Variants in NR1D2 observed in about 807,000 individuals in gnomAD.
The protein encoded by NR1D2 is V-erbA-related protein 1-related.
NR1D2 carries 25 observed loss-of-function variants against 52.2 expected under a neutral mutation model. The ratio of observed to expected loss-of-function variants is 0.48; its 90% CI spans 0.35 to 0.67. NR1D2 has a LOEUF of 0.67. NR1D2 is among the 30% of genes least tolerant of loss of function. The pLI is 0.01. For synonymous variants in NR1D2, 259 were observed against 230.1 expected (o/e 1.13, Z -1.14); for missense variants, 681 against 707.2 (o/e 0.96, Z 0.42).
chr3:23,968,530 T>C (rs1706509194), intron 7 of NR1D2, among the ~76,000 whole-genome samples: 1 of 152,244 alleles, frequency 6.6e-6, no homozygotes, highest in African/African-American at 2.4e-5. Context: ...CTTTTGGGTC[T>C]TGGATTCCTT....
At position 23,965,095 on chromosome 3, in the gene NR1D2, G is replaced by T; in HGVS notation, c.1265G>T (p.Arg422Leu). 6.2e-7 allele frequency: 1 copy of T among 1,613,994 alleles called. No homozygotes were observed. The highest frequency in any genetic ancestry group is 1.3e-5 in the African/African-American group (1 of 75,016). Residue 422 changes from arginine (R) to leucine (L), a missense_variant, in exon 6 of 8, where the codon CGT becomes CTT. Physicochemically the swap from Arg to Leu is moderately radical, Grantham distance 102 (BLOSUM62 -2). This residue lies in a region of NR1D2 where 475 missense variants were observed against 454.5 expected (regional missense o/e 1.05). Coordinates refer to ENST00000312521, the MANE Select transcript of NR1D2 (RefSeq NM_005126.5). ...AAAGAAGTGGTGGAATTTGCAAAGC[G>T]TATTCCTGGGTTCAGAGATCTCTCT... ...AVKEVVEFAK[R>L]IPGFRDLSQH...
At chr3:23,951,990 G>C (rs1281587196) in intron 1 of NR1D2, among the ~76,000 whole-genome samples, 1 of 152,216 alleles carries the variant, frequency 6.6e-6, no homozygotes, top group Non-Finnish European at 1.5e-5. Flanking sequence ...CTTCCAGGGA[G>C]CACAGATGAA....
chr3:23,953,635 T>C (rs1706004804), intron 1 of NR1D2, among the ~76,000 whole-genome samples: 1 of 152,150 alleles, frequency 6.6e-6, no homozygotes, highest in South Asian at 2.1e-4. Context: ...GATAGCCACA[T>C]ATGTCTTCTG....
chr3:23,950,802 GTTAA>G (rs1382208484), intron 1 of NR1D2, among the ~76,000 whole-genome samples: 1 of 151,780 alleles, frequency 6.6e-6, no homozygotes, highest in Non-Finnish European at 1.5e-5. Context: ...TTGTTTTTTG[GTTAA>G]TTAATTACGA....
At chr3:23,971,128 G>A (rs556764468) in intron 7 of NR1D2, among the ~76,000 whole-genome samples, 1 of 151,890 alleles carries the variant, frequency 6.6e-6, no homozygotes, top group Non-Finnish European at 1.5e-5. Context: ...TATCTAGGCA[G>A]GAAAATGAAA....
At position 23,950,907 on chromosome 3, in the gene NR1D2, T is replaced by C. The variant is rs1237938668; in HGVS notation, c.17-3630T>C. Among the ~76,000 whole-genome samples the C allele has an allele frequency of 4.1e-5, 6 of 145,562 alleles. No individual in the cohort carries two copies. The East Asian group carries it at 5.9e-4, about 14-fold the overall frequency. ...TTTCTTTTCTCTTTCTTTTTCTTTTTTTTTTTTTTTTTTTGAGATGGAGTT... is the reference window on the plus strand; with the variant it reads ...TTTCTTTTCTCTTTCTTTTTCTTTTCTTTTTTTTTTTTTTGAGATGGAGTT... On this transcript the variant is annotated intron_variant, in intron 1 of 7. Transcript: ENST00000312521.
chr3:23,962,586 C>G lies in NR1D2; in HGVS notation c.1127C>G (p.Thr376Ser). The G allele has an allele frequency of 6.2e-7, 1 of 1,602,814 alleles. No individual in the cohort carries two copies. Among genetic ancestry groups the G allele is most frequent in the Non-Finnish European group, 8.5e-7 (1 of 1,171,594 alleles). Residue 376 changes from threonine (T) to serine (S), a missense_variant, in exon 5 of 8, where the codon ACT (threonine) becomes AGT (serine). This residue lies in a region of NR1D2 where 475 missense variants were observed against 454.5 expected (regional missense o/e 1.05). Transcript: ENST00000312521. ...AACAAGAATAGTTACCTGTGCAACA[C>G]TGGAGGAAGAATGCATCTGGTATAG... ...NENKNSYLCN[T>S]GGRMHLVCPM...
intron 6 of NR1D2, among the ~76,000 whole-genome samples, chr3:23,967,007 G>C (rs145313617): frequency 1.2e-3 from 189 of 152,174 alleles, no homozygotes; most frequent in African/African-American, 4.3e-3. Context: ...CTGGGCAACA[G>C]AGCAAGACCC....
chr3:23,974,951 T>G (rs1233434917), intron 7 of NR1D2, among the ~76,000 whole-genome samples: 1 of 151,914 alleles, frequency 6.6e-6, no homozygotes, highest in East Asian at 1.9e-4. Context: ...TCCAAGTAGC[T>G]GGGATTACAG....
intron 5 of NR1D2, 86 bp from the exon 6 acceptor site, chr3:23,964,890 TG>T: frequency 1.1e-6 from 1 of 875,472 alleles, no homozygotes; most frequent in Non-Finnish European, 1.8e-6. Context: ...AAATTCATGT[TG>T]GGGTTTCTGA....
intron 1 of NR1D2, among the ~76,000 whole-genome samples, chr3:23,952,879 A>G (rs1220149743): frequency 6.6e-6 from 1 of 151,816 alleles, no homozygotes; most frequent in Non-Finnish European, 1.5e-5. Flanking sequence ...TAGCCTCAAT[A>G]TATATAATTG....
intron 3 of NR1D2, among the ~76,000 whole-genome samples, chr3:23,959,359 A>C (rs1048532462): frequency 1.3e-5 from 2 of 151,980 alleles, no homozygotes; most frequent in Non-Finnish European, 2.9e-5. Context: ...GACTGCAGGC[A>C]GGGTCTGGTA....
intron 7 of NR1D2, among the ~76,000 whole-genome samples, chr3:23,973,676 A>C (rs1157393439): frequency 6.6e-6 from 1 of 152,158 alleles, no homozygotes; most frequent in African/African-American, 2.4e-5. Context: ...TTTTTCTTCC[A>C]TAATAAATTA....
intron 1 of NR1D2, among the ~76,000 whole-genome samples, chr3:23,947,358 A>G (rs1705764154): frequency 6.6e-6 from 1 of 152,182 alleles, no homozygotes; most frequent in African/African-American, 2.4e-5. Flanking sequence ...AATGTTGACC[A>G]TCCCCTTCCC....
chr3:23,948,302 A>G (rs1030379377), intron 1 of NR1D2, among the ~76,000 whole-genome samples: 3 of 152,110 alleles, frequency 2.0e-5, no homozygotes, highest in Non-Finnish European at 2.9e-5. Flanking sequence ...TCCTCGCCCC[A>G]TGAGTAACAA....
In NR1D2 at chr3:23,978,937, T is replaced by A. The variant is rs185259942; in HGVS notation, c.*1518T>A. The A allele has an allele frequency of 4.6e-5, 7 of 152,160 alleles. No individual in the cohort carries two copies. The highest frequency in any genetic ancestry group is 7.4e-5 in the Non-Finnish European group (5 of 67,922). 9.4% of individuals were successfully genotyped at this position (152,160 alleles called of 1,614,324 possible). A position where few individuals can be genotyped will look rare whatever the true frequency, so the allele number is the denominator to read the frequency against. On this transcript the variant is annotated 3_prime_UTR_variant, in exon 8 of 8. Coordinates refer to ENST00000312521, the MANE Select transcript of NR1D2 (RefSeq NM_005126.5). ...TAGGAGAAATAGCCAAAGTTGAGGA[T>A]TTTATGTATGTTTTCCTGTTTACCT...
rs1044198536 is a variant in NR1D2, at chr3:23,977,365, A to T, written c.1686A>T (p.Arg562=). The T allele has an allele frequency of 1.9e-6, 3 of 1,613,204 alleles. No homozygotes were observed. The highest frequency in any genetic ancestry group is 2.7e-5 in the African/African-American group (2 of 74,830). Residue 562 remains arginine, a synonymous_variant, in exon 8 of 8, where the codon CGA becomes CGT. Transcript: ENST00000312521. ...TGCTTCTAAAGTTGCCAGATCTTCG[A>T]TCTTTAAACAACATGCACTCTGAGG... ...TKLLLKLPDL[R]SLNNMHSEEL...
At position 23,977,506 on chromosome 3, in the gene NR1D2, A is replaced by T; in HGVS notation, c.*87A>T. 2.4e-6 allele frequency: 2 copies of T among 826,582 alleles called. No homozygotes were observed. Among genetic ancestry groups the T allele is most frequent in the South Asian group, 2.7e-5 (1 of 36,954 alleles). 51.2% of individuals were successfully genotyped at this position (826,582 alleles called of 1,614,324 possible). A position where few individuals can be genotyped will look rare whatever the true frequency, so the allele number is the denominator to read the frequency against. On this transcript the variant is annotated 3_prime_UTR_variant, in exon 8 of 8. Transcript: ENST00000312521. Reference sequence around the variant, plus strand: ...TTATATGTGTATACCATATGTGGAGATAGAAAAGACCTTTAAGACAATAAA... The same window carrying T: ...TTATATGTGTATACCATATGTGGAGTTAGAAAAGACCTTTAAGACAATAAA...
intron 7 of NR1D2, among the ~76,000 whole-genome samples, chr3:23,973,421 A>G (rs1212135547): frequency 6.6e-6 from 1 of 152,228 alleles, no homozygotes. Flanking sequence ...TTTGTAACAC[A>G]ATAAGTATTT....
Sources: allele counts gnomAD v4.1 joint callset (sites outside exome capture counted in the v4.1 genomes callset), GRCh38; gene constraint gnomAD v4.1.1; regional missense constraint gnomAD v4.1.1; transcripts MANE v1.5; gene names NCBI Gene and HGNC (gene_info 2026-07-23, HGNC 2026-07-21).